The following VPS13C variants were observed in gnomAD, a reference collection of about 807,000 sequenced individuals.
VPS13C encodes intermembrane lipid transfer protein VPS13C.
Under a neutral mutation model 456.8 loss-of-function variants are expected in VPS13C, and 358 were observed. That is an observed-to-expected ratio of 0.78 (90% CI 0.72 to 0.86). The LOEUF (loss-of-function observed/expected upper bound fraction) is 0.86, where lower values mean the gene tolerates loss of function less well. Ranked by LOEUF, VPS13C falls within the 40% of genes least tolerant of loss-of-function variation. VPS13C has a pLI of 0.00. For synonymous variants in VPS13C, 1,578 were observed against 1,486.7 expected, an observed-to-expected ratio of 1.06 and a Z score of -1.41; for missense variants, 4,818 against 4,385.4, an observed-to-expected ratio of 1.10 and a Z score of -2.79.
intron 3 of VPS13C, among the ~76,000 whole-genome samples, chr15:62,038,355 G>A (rs994697159): frequency 1.9e-4 from 29 of 152,156 alleles, no homozygotes; most frequent in African/African-American, 5.8e-4. Flanking sequence ...TTGGGAGGCC[G>A]AGGCGGATAG....
At chr15:62,034,867 T>C in intron 4 of VPS13C, 90 bp downstream of exon 4, 1 of 842,978 alleles carries the variant, frequency 1.2e-6, no homozygotes, top group Non-Finnish European at 1.8e-6. Context: ...CCTTCTATCT[T>C]AATAAATAAA....
intron 51 of VPS13C, among the ~76,000 whole-genome samples, chr15:61,928,604 T>A (rs557464035): frequency 3.3e-5 from 5 of 152,276 alleles, no homozygotes; most frequent in Admixed American, 3.3e-4. Flanking sequence ...AAGTCACTGA[T>A]CTGGCAGGAG....
intron 18 of VPS13C, among the ~76,000 whole-genome samples, chr15:61,985,921 G>A (rs1252087603): frequency 6.6e-6 from 1 of 151,952 alleles, no homozygotes; most frequent in African/African-American, 2.4e-5. Context: ...TCCCACCAAA[G>A]GGTAAAAGCA....
intron 45 of VPS13C, among the ~76,000 whole-genome samples, chr15:61,944,210 T>C (rs1018675720): frequency 2.6e-5 from 4 of 152,324 alleles, no homozygotes; most frequent in South Asian, 2.1e-4. Context: ...TTTCAGCCAC[T>C]GTAGAAAGCA....
chr15:61,926,260 A>G (rs2043845595), intron 52 of VPS13C, among the ~76,000 whole-genome samples: 1 of 152,124 alleles, frequency 6.6e-6, no homozygotes, highest in South Asian at 2.1e-4. Context: ...AAAAACAAAA[A>G]CAAAACTAGC....
At chr15:61,904,738 A>G (rs900770859) in intron 66 of VPS13C, among the ~76,000 whole-genome samples, 3 of 152,190 alleles carry the variant, frequency 2.0e-5, no homozygotes, top group African/African-American at 7.2e-5. Flanking sequence ...CTAAATGTCC[A>G]TCAATAGATG....
chr15:61,881,215 C>T (rs1302318871), intron 71 of VPS13C, among the ~76,000 whole-genome samples: 1 of 152,042 alleles, frequency 6.6e-6, no homozygotes. Context: ...GAAACAAATA[C>T]AACCAGATCA....
chr15:61,863,609 A>G lies in VPS13C; in HGVS notation c.10864-81T>C, dbSNP rs1894347632. 3 of 853,760 alleles carry G rather than the reference A, an allele frequency of 3.5e-6. No homozygotes were observed. The African/African-American group carries it at 5.3e-5, about 15-fold the overall frequency. 52.9% of individuals were successfully genotyped at this position (853,760 alleles called of 1,614,324 possible). The stretch of plus-strand genomic sequence containing the variant: ...CAATACTGCATATTAGCTAATTATA[A>G]TAATAGTGTTAGGAAAAAATTAATT... On this transcript the variant is annotated intron_variant, in intron 81 of 84. Coordinates refer to ENST00000644861, the MANE Select transcript of VPS13C (RefSeq NM_020821.3).
chr15:61,949,302 T>G, intron 42 of VPS13C, 141 bp downstream of exon 42: 1 of 914,176 alleles, frequency 1.1e-6, no homozygotes, highest in Non-Finnish European at 1.7e-6. Flanking sequence ...CCCATAGAGA[T>G]AACATTTTCT....
At chr15:62,028,230 G>A in intron 6 of VPS13C, 128 bp downstream of exon 6, 1 of 928,950 alleles carries the variant, frequency 1.1e-6, no homozygotes, top group Non-Finnish European at 1.7e-6. Flanking sequence ...TGGTAGAGGG[G>A]GAAAACAAAA....
chr15:61,947,290 T>C lies in VPS13C; in HGVS notation c.4779A>G (p.Gln1593=). 1.2e-6 allele frequency: 2 copies of C among 1,608,350 alleles called. No homozygotes were observed. The highest frequency in any genetic ancestry group is 1.1e-5 in the South Asian group (1 of 89,696). The part of the protein sequence containing the change: ...AVKAVSSNIS[Q]KDVFDLKITA... The stretch of plus-strand genomic sequence containing the variant: ...TGATCTTTAAATCAAACACATCCTT[T>C]TGGGAAATGTTGCTGGATACTAAAA... The change falls in exon 43 of 85, where the codon CAA becomes CAG. Residue 1593 remains glutamine (Q), a synonymous_variant. Coordinates refer to ENST00000644861, the MANE Select transcript of VPS13C (RefSeq NM_020821.3).
At chr15:61,933,886 CAT>C (rs921502030) in intron 49 of VPS13C, among the ~76,000 whole-genome samples, 35 of 151,796 alleles carry the variant, frequency 2.3e-4, no homozygotes, top group African/African-American at 8.0e-4. Flanking sequence ...GTTATATATA[CAT>C]ATATATATAG....
chr15:61,949,535 G>A lies in VPS13C; in HGVS notation c.4667C>T (p.Ser1556Phe), dbSNP rs1460336846. ...ALLSFMDFLS[S>F]AAPFSEPSSS... ...GGAAGGCTCAGAGAATGGAGCAGCA[G>A]ATGATAAAAAATCCATGAAGGAAAG... The change falls in exon 42 of 85, where the codon TCT becomes TTT. Residue 1556 changes from serine to phenylalanine, a missense_variant. This residue lies in a region of VPS13C where 4,552 missense variants were observed against 4,130.6 expected (regional missense o/e 1.10). Coordinates refer to ENST00000644861, the MANE Select transcript of VPS13C (RefSeq NM_020821.3). 1 of 1,613,282 alleles carries A rather than the reference G, an allele frequency of 6.2e-7. No individual in the cohort carries two copies. The highest frequency in any genetic ancestry group is 8.5e-7 in the Non-Finnish European group (1 of 1,179,860).
intron 81 of VPS13C, chr15:61,866,426 A>C (rs2054140282): frequency 1.0e-6 from 1 of 984,202 alleles, no homozygotes; most frequent in East Asian, 1.1e-4. Context: ...AGAGCTAAAC[A>C]AAACAATTAA....
chr15:62,058,783 A>G (rs960358264), intron 1 of VPS13C, among the ~76,000 whole-genome samples: 2 of 152,080 alleles, frequency 1.3e-5, no homozygotes, highest in Admixed American at 1.3e-4. Context: ...CAGGCACTAT[A>G]GCTCACACCT....
chr15:61,931,325 T>C, intron 49 of VPS13C, 66 bp from the exon 50 acceptor site: 2 of 1,432,276 alleles, frequency 1.4e-6, no homozygotes, highest in African/African-American at 2.9e-5. Flanking sequence ...CTTTTAAACA[T>C]ATTACTTAAT....
intron 45 of VPS13C, among the ~76,000 whole-genome samples, chr15:61,944,531 C>T (rs184451159): frequency 3.4e-4 from 52 of 152,088 alleles, no homozygotes; most frequent in African/African-American, 1.0e-3. Flanking sequence ...AATTAACGCA[C>T]GAACAGAAAC....
chr15:62,050,376 T>C (rs953639353), intron 1 of VPS13C, among the ~76,000 whole-genome samples: 10 of 152,192 alleles, frequency 6.6e-5, no homozygotes, highest in African/African-American at 1.9e-4. Context: ...ACACAGTAAG[T>C]AGTCTGTGCT....
intron 16 of VPS13C, among the ~76,000 whole-genome samples, chr15:61,993,823 T>C (rs986714913): frequency 5.9e-5 from 9 of 152,156 alleles, no homozygotes; most frequent in African/African-American, 2.2e-4. Context: ...ACACACATCA[T>C]ACCAATGTCA....
Sources: allele counts gnomAD v4.1 joint callset (sites outside exome capture counted in the v4.1 genomes callset), GRCh38; gene constraint gnomAD v4.1.1; regional missense constraint gnomAD v4.1.1; transcripts MANE v1.5; gene names NCBI Gene and HGNC (gene_info 2026-07-23, HGNC 2026-07-21).